The following PDXDC1 variants were observed in gnomAD, a reference collection of about 807,000 sequenced individuals.
The protein encoded by PDXDC1 is pyridoxal dependent decarboxylase domain containing 1, also known as pyridoxal-dependent decarboxylase domain-containing protein 1.
A neutral mutation model predicts 100.1 loss-of-function variants in PDXDC1; 42 were observed. The observed-to-expected ratio is 0.42, with a 90% confidence interval of 0.33 to 0.54. The LOEUF is 0.54. Among genes scored for constraint, PDXDC1 ranks in the 20% least tolerant of loss-of-function variants. The pLI, the probability that PDXDC1 is intolerant of heterozygous loss-of-function variation, is 0.10. For missense variants in PDXDC1, 636 were observed against 979.2 expected, an observed-to-expected ratio of 0.65 and a Z score of 4.68; for synonymous variants, 260 against 371.7, an observed-to-expected ratio of 0.70 and a Z score of 3.46.
intron 16 of PDXDC1, chr16:15,086,128 C>T (rs1362032129): frequency 4.4e-6 from 7 of 1,605,094 alleles, no homozygotes; most frequent in East Asian, 2.2e-5. Flanking sequence ...CAATGACTTA[C>T]GAGGCACAAA....
At chr16:15,094,348 C>T in intron 16 of PDXDC1, 1 of 972,188 alleles carries the variant, frequency 1.0e-6, no homozygotes. Flanking sequence ...ATCAGCGGCC[C>T]CGCGTGGGGA....
chr16:15,002,178 GTATT>G (rs1567648323), intron 4 of PDXDC1, among the ~76,000 whole-genome samples: 3 of 152,404 alleles, frequency 2.0e-5, no homozygotes, highest in African/African-American at 7.2e-5. Context: ...TATTCATTAG[GTATT>G]TAGTTAGTTT....
Position 15,022,867 on chromosome 16 carries a change from G to A in PDXDC1, c.1140+113G>A, listed in dbSNP as rs1165588191. Reference sequence around the variant, plus strand: ...TTCTCCACATTTCAGTGGAATTGTGGCAGCTCCAGTAAAAAAACAAAACAA... The same window carrying A: ...TTCTCCACATTTCAGTGGAATTGTGACAGCTCCAGTAAAAAAACAAAACAA... On this transcript the variant is annotated intron_variant, in intron 13 of 22. Coordinates refer to ENST00000396410, the MANE Select transcript of PDXDC1 (RefSeq NM_015027.4). The A allele has an allele frequency of 2.1e-5, 18 of 866,604 alleles. No homozygotes were observed. In the East Asian group the frequency reaches 2.4e-4, roughly 12 times the overall value. 53.7% of individuals were successfully genotyped at this position (866,604 alleles called of 1,614,324 possible).
chr16:15,106,093 CA>C (rs2046785504), intron 16 of PDXDC1: 4 of 781,228 alleles, frequency 5.1e-6, no homozygotes, highest in Non-Finnish European at 7.9e-6. Flanking sequence ...TGTCCAAAAG[CA>C]AGGAAAACAA....
chr16:15,110,803 T>A (rs1161499663), intron 16 of PDXDC1: 1 of 1,581,928 alleles, frequency 6.3e-7, no homozygotes, highest in African/African-American at 1.3e-5. Context: ...GACGGGAAGA[T>A]AGTCTTCAGG....
intron 16 of PDXDC1, among the ~76,000 whole-genome samples, chr16:15,122,824 G>A (rs1311178718): frequency 5.3e-5 from 2 of 37,984 alleles, no homozygotes; most frequent in Non-Finnish European, 7.6e-5. Flanking sequence ...AGTTGGGGAG[G>A]GGGAGGGGAA....
chr16:14,980,789 G>A (rs1227704471), intron 1 of PDXDC1, among the ~76,000 whole-genome samples: 1 of 152,280 alleles, frequency 6.6e-6, no homozygotes. Context: ...TAATAGAGAC[G>A]GGGTTTCGCC....
intron 16 of PDXDC1, among the ~76,000 whole-genome samples, chr16:15,066,826 G>A (rs551691623): frequency 6.6e-6 from 1 of 151,722 alleles, no homozygotes; most frequent in East Asian, 1.9e-4. Context: ...TACCATATCT[G>A]TACCTAGGCA....
At chr16:15,077,945 A>G (rs1395248934) in intron 16 of PDXDC1, among the ~76,000 whole-genome samples, 1 of 152,228 alleles carries the variant, frequency 6.6e-6, no homozygotes, top group Non-Finnish European at 1.5e-5. Context: ...ACACTCACAG[A>G]CACATTGTGT....
At chr16:15,038,629 G>A, downstream of PDXDC1, 1 of 1,610,150 alleles carries the variant, frequency 6.2e-7, no homozygotes, top group Non-Finnish European at 8.5e-7. Flanking sequence ...TGGAAATGGT[G>A]TCCAGGAGTA....
At chr16:15,074,808 G>GA in intron 16 of PDXDC1, 1 of 1,613,988 alleles carries the variant, frequency 6.2e-7, no homozygotes, top group Non-Finnish European at 8.5e-7. Context: ...GCACCATCTG[G>GA]TCGAGCCGTT....
intron 16 of PDXDC1, chr16:15,047,829 G>A (rs949832999): frequency 1.3e-6 from 2 of 1,582,420 alleles, no homozygotes; most frequent in African/African-American, 2.7e-5. Flanking sequence ...TTTAAGTAAT[G>A]GTTTCCTTCA....
downstream of PDXDC1, among the ~76,000 whole-genome samples, chr16:15,141,192 G>T (rs1389149975): frequency 6.6e-6 from 1 of 152,164 alleles, no homozygotes; most frequent in African/African-American, 2.4e-5. Flanking sequence ...TCCTCCCACC[G>T]GAGCTCCGCT....
chr16:15,022,099 T>A (rs1486126083), intron 12 of PDXDC1, among the ~76,000 whole-genome samples: 3 of 152,300 alleles, frequency 2.0e-5, no homozygotes, highest in Non-Finnish European at 4.4e-5. Flanking sequence ...ATATGATTAG[T>A]GATGAGGGAC....
chr16:15,072,821 G>A, intron 16 of PDXDC1: 1 of 907,190 alleles, frequency 1.1e-6, no homozygotes, highest in Non-Finnish European at 1.7e-6. Context: ...ATTTTATTAA[G>A]CAGACTAGCA....
intron 16 of PDXDC1, chr16:15,060,289 A>G: frequency 3.6e-6 from 1 of 275,752 alleles, no homozygotes; most frequent in Non-Finnish European, 7.4e-6. Context: ...AGACAACCTT[A>G]AAGTTCTCAA....
rs757080127 is a variant in PDXDC1 at position 15,065,261 on chromosome 16, G to A, written c.1399+35205G>A. On this transcript the variant is annotated intron_variant, in intron 16 of 16. Transcript: ENST00000535621. ...ATCAAAGGGGAAGAAGGTGTCCAGC[G>A]GGTTTGTGCAGATCTGCACTGAGTC... 9 of 1,613,736 alleles carry A rather than the reference G, an allele frequency of 5.6e-6. No homozygotes were observed. The highest frequency in any genetic ancestry group is 4.0e-5 in the African/African-American group (3 of 74,898).
the PDXDC1 span, among the ~76,000 whole-genome samples, chr16:15,145,862 T>C: frequency 3.9e-5 from 6 of 152,202 alleles, no homozygotes; most frequent in African/African-American, 1.4e-4. Flanking sequence ...AGCGGGCTGT[T>C]TTCATTCCAG....
At chr16:15,054,404 A>C (rs1310008580) in intron 16 of PDXDC1, among the ~76,000 whole-genome samples, 1 of 152,148 alleles carries the variant, frequency 6.6e-6, no homozygotes, top group African/African-American at 2.4e-5. Context: ...ACACCCATCT[A>C]ACTTTCTATC....
Sources: allele counts gnomAD v4.1 joint callset (sites outside exome capture counted in the v4.1 genomes callset), GRCh38; gene constraint gnomAD v4.1.1; transcripts MANE v1.5; gene names NCBI Gene and HGNC (gene_info 2026-07-23, HGNC 2026-07-21).